The following CPPED1 variants were observed in gnomAD, a reference collection of about 807,000 sequenced individuals.
CPPED1 encodes the protein calcineurin like phosphoesterase domain containing 1.
In CPPED1, 28 loss-of-function variants were observed where a neutral mutation model predicts 28.0. The ratio of observed to expected loss-of-function variants is 1.00; its 90% confidence interval spans 0.74 to 1.37. The LOEUF is 1.37. Ranked by LOEUF, CPPED1 falls within the 40% of genes most tolerant of loss-of-function variation. The pLI is 0.00. For synonymous variants in CPPED1, 198 were observed against 180.2 expected (o/e 1.10, Z -0.79); for missense variants, 504 against 416.5 (o/e 1.21, Z -1.83).
chr16:12,771,263 A>G (rs2080468963), intron 2 of CPPED1, among the ~76,000 whole-genome samples: 1 of 152,238 alleles, frequency 6.6e-6, no homozygotes, highest in African/African-American at 2.4e-5. Context: ...TGCCTGGTGC[A>G]AAGTAGACTC....
At chr16:12,739,271 C>G (rs569478008) in intron 2 of CPPED1, among the ~76,000 whole-genome samples, 1 of 152,246 alleles carries the variant, frequency 6.6e-6, no homozygotes, top group African/African-American at 2.4e-5. Context: ...TGAGTTTTTT[C>G]TACCTGTCCA....
chr16:12,767,788 T>C (rs1442135549), intron 2 of CPPED1, among the ~76,000 whole-genome samples: 1 of 152,088 alleles, frequency 6.6e-6, no homozygotes, highest in Non-Finnish European at 1.5e-5. Context: ...TGAAACTCCA[T>C]CTCTACTAAA....
chr16:12,795,551 G>C (rs2141246493), intron 1 of CPPED1, among the ~76,000 whole-genome samples: 1 of 152,202 alleles, frequency 6.6e-6, no homozygotes, highest in South Asian at 2.1e-4. Flanking sequence ...TGTTGGCCAG[G>C]CTGGTCTCAA....
At chr16:12,674,221 CAA>C (rs2141168455) in intron 3 of CPPED1, among the ~76,000 whole-genome samples, 1 of 152,240 alleles carries the variant, frequency 6.6e-6, no homozygotes, top group East Asian at 1.9e-4. Flanking sequence ...GATGAGTTTA[CAA>C]AGAGACGGTC....
chr16:12,766,478 C>T (rs1177347253), intron 2 of CPPED1, among the ~76,000 whole-genome samples: 4 of 151,852 alleles, frequency 2.6e-5, no homozygotes, highest in African/African-American at 9.7e-5. Flanking sequence ...AGCAGAAACC[C>T]CTGATAAAAC....
At chr16:12,714,533 G>C (rs2080097038) in intron 2 of CPPED1, among the ~76,000 whole-genome samples, 1 of 152,176 alleles carries the variant, frequency 6.6e-6, no homozygotes, top group African/African-American at 2.4e-5. Flanking sequence ...TTTACATAAT[G>C]ACTAATGATG....
intron 3 of CPPED1, among the ~76,000 whole-genome samples, chr16:12,693,611 T>C (rs2079974840): frequency 1.3e-5 from 2 of 152,208 alleles, no homozygotes; most frequent in Non-Finnish European, 2.9e-5. Context: ...AGCAATGTTG[T>C]AGATTTGTAC....
rs1230705436 is a variant in CPPED1, at chr16:12,742,517, C to T, written c.290-37468G>A. 7.2e-5 allele frequency among the ~76,000 whole-genome samples: 11 copies of T among 152,258 alleles called. No homozygotes were observed. The East Asian group carries it at 1.7e-3, about 24-fold the overall frequency. ...AAATCTATCTGCTCAAAAGAGTTAC[C>T]GCTGAATGCCTGCCACCTTCCTCCA... On this transcript the variant is annotated intron_variant, in intron 2 of 3. Transcript: ENST00000381774.
intron 2 of CPPED1, among the ~76,000 whole-genome samples, chr16:12,762,308 T>C (rs2080414461): frequency 6.6e-6 from 1 of 152,206 alleles, no homozygotes; most frequent in Non-Finnish European, 1.5e-5. Context: ...ACTAGGGATA[T>C]TATTTAGTAA....
chr16:12,712,028 C>A (rs1359191801), intron 2 of CPPED1, among the ~76,000 whole-genome samples: 1 of 152,166 alleles, frequency 6.6e-6, no homozygotes, highest in Non-Finnish European at 1.5e-5. Context: ...CTGCTACTGT[C>A]CCTGAGAAAT....
At position 12,803,701 on chromosome 16, in the gene CPPED1, C is replaced by A; in HGVS notation, c.70+6G>T. ...GTCCCCTCCCCGGGTGAGGGGCGGG[C>A]AGTACCTGCGGGAAACGCGGCCAGG... is the stretch of plus-strand genomic sequence containing the variant. On this transcript the variant is annotated splice_donor_region_variant and intron_variant, in intron 1 of 3. Transcript: ENST00000381774. 1 of 1,563,702 alleles carries A rather than the reference C, an allele frequency of 6.4e-7. No individual in the cohort carries two copies. Among genetic ancestry groups the A allele is most frequent in the South Asian group, 1.2e-5 (1 of 85,722 alleles).
intron 2 of CPPED1, among the ~76,000 whole-genome samples, chr16:12,732,146 CA>C (rs774620319): frequency 1.2e-3 from 134 of 115,260 alleles, no homozygotes; most frequent in African/African-American, 9.8e-4. Context: ...TGAAACCCGT[CA>C]AAAAAAAAAA....
At position 12,664,441 on chromosome 16, in the gene CPPED1, T is replaced by C; in HGVS notation, c.*445A>G. On this transcript the variant is annotated 3_prime_UTR_variant, in exon 4 of 4. Coordinates refer to ENST00000381774, the MANE Select transcript of CPPED1 (RefSeq NM_018340.3). The surrounding 1 kb of genome is among the most constrained non-coding windows in gnomAD (Gnocchi z 4.2). ...GAAAGGAGATGAACTTTGTTTTGCC[T>C]AGCGTTTTGGGAATCGTGACCACAA... 9.9e-7 allele frequency: 1 copy of C among 1,009,212 alleles called. No individual in the cohort carries two copies. Among genetic ancestry groups the C allele is most frequent in the Non-Finnish European group, 1.2e-6 (1 of 845,906 alleles). The allele number at this position is 1,009,212 out of a possible 1,614,324, so 62.5% of individuals were successfully genotyped here.
intron 3 of CPPED1, among the ~76,000 whole-genome samples, chr16:12,686,062 C>A (rs2079931226): frequency 6.6e-6 from 1 of 151,876 alleles, no homozygotes; most frequent in South Asian, 2.1e-4. Flanking sequence ...TCTGTCCACA[C>A]AGAGAACTTC....
chr16:12,783,287 C>A (rs1334917771), intron 1 of CPPED1, among the ~76,000 whole-genome samples: 2 of 152,186 alleles, frequency 1.3e-5, no homozygotes, highest in Non-Finnish European at 2.9e-5. Context: ...TACTTGAGGT[C>A]ATGAATTTGA....
chr16:12,727,264 A>G (rs1410405646), intron 2 of CPPED1, among the ~76,000 whole-genome samples: 1 of 152,216 alleles, frequency 6.6e-6, no homozygotes, highest in Non-Finnish European at 1.5e-5. Context: ...TGGTGGCGAC[A>G]GGGAAAACAG....
At chr16:12,728,831 G>C (rs1360630759) in intron 2 of CPPED1, among the ~76,000 whole-genome samples, 1 of 152,188 alleles carries the variant, frequency 6.6e-6, no homozygotes, top group Non-Finnish European at 1.5e-5. Flanking sequence ...GCAAGGCCCA[G>C]GAGTTCGAGC....
intron 2 of CPPED1, among the ~76,000 whole-genome samples, chr16:12,743,928 C>A (rs2080269418): frequency 6.6e-6 from 1 of 151,870 alleles, no homozygotes; most frequent in Non-Finnish European, 1.5e-5. Context: ...TCACGTGAGC[C>A]AGGGCGACAG....
intron 2 of CPPED1, among the ~76,000 whole-genome samples, chr16:12,729,563 G>T (rs1319775052): frequency 6.6e-6 from 1 of 152,174 alleles, no homozygotes; most frequent in Non-Finnish European, 1.5e-5. Context: ...AACGACGTCT[G>T]GAGTACTGGT....
Sources: gnomAD v4.1 joint callset for allele counts (sites outside exome capture counted in the v4.1 genomes callset) on GRCh38, gnomAD v4.1.1 for gene constraint, Gnocchi (gnomAD v3.1) non-coding constraint, MANE v1.5 for transcripts, NCBI Gene and HGNC (gene_info 2026-07-23, HGNC 2026-07-21) for gene names.